NELL1: variants seen among roughly 807,000 people sequenced by gnomAD.
The protein encoded by NELL1 is neural EGFL like 1, also known as protein kinase C-binding protein NELL1.
NELL1 carries 76 observed loss-of-function variants against 107.4 expected under a neutral mutation model. The ratio of observed to expected loss-of-function variants is 0.71; its 90% CI spans 0.59 to 0.86. The LOEUF (loss-of-function observed/expected upper bound fraction) is 0.86. NELL1 is among the 40% of genes least tolerant of loss of function. The pLI, the probability that NELL1 is intolerant of heterozygous loss-of-function variation, is 0.00. For synonymous variants in NELL1, 353 were observed against 341.2 expected (o/e 1.03, Z -0.38); for missense variants, 1,024 against 1,005.5 (o/e 1.02, Z -0.25).
rs536692274 is a variant in NELL1 at position 21,347,422 on chromosome 11, G to A, written c.1550-23431G>A. Among the ~76,000 whole-genome samples, 5 of 152,238 alleles carry A rather than the reference G, an allele frequency of 3.3e-5. No homozygotes were observed. In the East Asian group the frequency reaches 9.7e-4, roughly 30 times the overall value. On this transcript the variant is annotated intron_variant, in intron 14 of 19. Transcript: ENST00000357134. ...GTTTGAGACCAGCCTGACCAACATG[G>A]TGAAACCCCATCTCTACTAAATACA...
intron 10 of NELL1, among the ~76,000 whole-genome samples, chr11:20,940,533 G>A (rs1437596515): frequency 6.6e-6 from 1 of 152,092 alleles, no homozygotes; most frequent in Non-Finnish European, 1.5e-5. Context: ...ACAGGTGTGA[G>A]CCACTGCACC....
At chr11:21,568,545 AAC>A (rs147450873) in intron 17 of NELL1, among the ~76,000 whole-genome samples, 6,539 of 151,946 alleles carry the variant, frequency 0.043, 444 homozygotes, top group African/African-American at 0.15. Context: ...CTTGTGTAAT[AAC>A]ACTTAGTTTA....
Position 20,849,331 on chromosome 11 carries a change from T to G in NELL1, c.506+1578T>G, listed in dbSNP as rs184783630. Reference sequence around the variant, plus strand: ...AAGAGTTTTACTCTGTTTCCTGACATTCTTCTCTCTGGAGCAGTTCTTAGG... The same window carrying G: ...AAGAGTTTTACTCTGTTTCCTGACAGTCTTCTCTCTGGAGCAGTTCTTAGG... On this transcript the variant is annotated intron_variant, in intron 4 of 19. Transcript: ENST00000357134. 3.9e-3 allele frequency among the ~76,000 whole-genome samples: 598 copies of G among 152,350 alleles called. 5 individuals carry two copies. The highest frequency in any genetic ancestry group is 7.2e-3 in the Non-Finnish European group (492 of 68,034).
intron 2 of NELL1, among the ~76,000 whole-genome samples, chr11:20,702,046 G>A (rs1158521308): frequency 6.6e-6 from 1 of 152,136 alleles, no homozygotes; most frequent in Non-Finnish European, 1.5e-5. Context: ...ATTCTGTGAA[G>A]AAAGTCATTG....
chr11:20,848,777 C>T (rs139486914), intron 4 of NELL1, among the ~76,000 whole-genome samples: 130 of 152,274 alleles, frequency 8.5e-4, no homozygotes, highest in African/African-American at 2.8e-3. Flanking sequence ...CTTGAATATG[C>T]CTGCCACTCT....
At chr11:21,269,067 T>C (rs1020098859) in intron 14 of NELL1, among the ~76,000 whole-genome samples, 1 of 151,864 alleles carries the variant, frequency 6.6e-6, no homozygotes, top group Non-Finnish European at 1.5e-5. Context: ...AAAAAATCTC[T>C]GAGCTTGAAG....
chr11:21,510,974 A>T lies in NELL1; in HGVS notation c.1646-23400A>T, dbSNP rs1170402273. Among the ~76,000 whole-genome samples, 3 of 152,328 alleles carry T rather than the reference A, an allele frequency of 2.0e-5. No individual in the cohort carries two copies. In the East Asian group the frequency reaches 5.8e-4, roughly 29 times the overall value. ...TCAATGTTAAAATCTCAGCTCCTTC[A>T]ATTTCCAGCTGTATGATTTTGGTCA... On this transcript the variant is annotated intron_variant, in intron 15 of 19. Transcript: ENST00000357134.
intron 12 of NELL1, among the ~76,000 whole-genome samples, chr11:21,054,654 A>G (rs1343785454): frequency 6.6e-6 from 1 of 152,010 alleles, no homozygotes; most frequent in East Asian, 1.9e-4. Flanking sequence ...GCGAGAGCCC[A>G]TTTTTGTTTT....
At chr11:21,157,497 A>G (rs905378556) in intron 13 of NELL1, among the ~76,000 whole-genome samples, 2 of 152,212 alleles carry the variant, frequency 1.3e-5, no homozygotes, top group African/African-American at 4.8e-5. Context: ...TGATTGACAT[A>G]GTACACGCAC....
At chr11:21,293,688 G>A (rs1179992644) in intron 14 of NELL1, among the ~76,000 whole-genome samples, 2 of 152,048 alleles carry the variant, frequency 1.3e-5, no homozygotes, top group African/African-American at 2.4e-5. Flanking sequence ...ACCCAACTGT[G>A]CATCAGTGAT....
intron 12 of NELL1, among the ~76,000 whole-genome samples, chr11:20,970,500 ATTTAAATAG>A (rs1851477124): frequency 6.6e-6 from 1 of 152,180 alleles, no homozygotes; most frequent in Non-Finnish European, 1.5e-5. Flanking sequence ...CTATCCTAGG[ATTTAAATAG>A]TGTTGTAGGA....
rs187877359 is a variant in NELL1, at chr11:21,108,000, A to G, written c.1301-5589A>G. On this transcript the variant is annotated intron_variant, in intron 12 of 19. Coordinates refer to ENST00000357134, the MANE Select transcript of NELL1 (RefSeq NM_006157.5). ...TTGGTTGAAATTTTAGGCACTCTAC[A>G]CGTAGTATCCGATGTCAATCCCTGG... Among the ~76,000 whole-genome samples, 378 of 152,276 alleles carry G rather than the reference A, an allele frequency of 2.5e-3. 3 individuals are homozygous for G. Among genetic ancestry groups the G allele is most frequent in the African/African-American group, 8.4e-3 (350 of 41,578 alleles).
At chr11:20,919,140 A>T (rs1370060498) in intron 6 of NELL1, 112 bp from the exon 7 acceptor site, 2 of 517,682 alleles carry the variant, frequency 3.9e-6, no homozygotes, top group Non-Finnish European at 6.6e-6. Context: ...AGCAATGTCA[A>T]CCAAAAAAAC....
At chr11:21,285,748 A>G (rs1849101534) in intron 14 of NELL1, among the ~76,000 whole-genome samples, 1 of 152,222 alleles carries the variant, frequency 6.6e-6, no homozygotes, top group Non-Finnish European at 1.5e-5. Flanking sequence ...ACAGTCTTTT[A>G]CGGTTTACTT....
At chr11:21,497,864 T>G (rs1256579811) in intron 15 of NELL1, among the ~76,000 whole-genome samples, 1 of 152,086 alleles carries the variant, frequency 6.6e-6, no homozygotes, top group African/African-American at 2.4e-5. Flanking sequence ...AGTTTATACC[T>G]GTGATATATT....
chr11:21,166,561 C>G (rs1856488298), intron 13 of NELL1, among the ~76,000 whole-genome samples: 1 of 151,724 alleles, frequency 6.6e-6, no homozygotes, highest in Non-Finnish European at 1.5e-5. Context: ...AAAATTATCT[C>G]ATGTAACCCA....
intron 9 of NELL1, among the ~76,000 whole-genome samples, chr11:20,932,077 C>T (rs1278446606): frequency 6.6e-6 from 1 of 152,116 alleles, no homozygotes; most frequent in Non-Finnish European, 1.5e-5. Flanking sequence ...CATGGCGGTA[C>T]CGAAAATAGT....
chr11:20,825,696 A>G (rs1412475962), intron 3 of NELL1, among the ~76,000 whole-genome samples: 1 of 151,374 alleles, frequency 6.6e-6, no homozygotes, highest in East Asian at 1.9e-4. Context: ...GTACAGGCTC[A>G]TAGGTGGAAG....
intron 15 of NELL1, among the ~76,000 whole-genome samples, chr11:21,424,097 A>G (rs1852760312): frequency 6.6e-6 from 1 of 152,216 alleles, no homozygotes; most frequent in Non-Finnish European, 1.5e-5. Context: ...AAAGGCTAGC[A>G]AAAGGATGAA....
Sources: allele counts gnomAD v4.1 joint callset (sites outside exome capture counted in the v4.1 genomes callset), GRCh38; gene constraint gnomAD v4.1.1; transcripts MANE v1.5; gene names NCBI Gene and HGNC (gene_info 2026-07-23, HGNC 2026-07-21).